Variants in EYS observed in about 807,000 individuals in gnomAD.
EYS encodes the protein EGF-like photoreceptor maintenance factor.
In EYS, 250 loss-of-function variants were observed where a neutral mutation model predicts 282.1. That is an observed-to-expected ratio of 0.89 (90% confidence interval 0.80 to 0.98). The LOEUF is 0.98. Among genes scored for constraint, EYS ranks in the 50% least tolerant of loss-of-function variants. The probability of loss-of-function intolerance (pLI) is 0.00; values close to 1 mark genes in which losing one functional copy is unlikely to be tolerated. For missense variants in EYS, 4,016 were observed against 3,709.0 expected (o/e 1.08, Z -2.15); for synonymous variants, 1,355 against 1,282.9 (o/e 1.06, Z -1.20).
intron 22 of EYS, among the ~76,000 whole-genome samples, chr6:64,752,519 C>G (rs2149970918): frequency 6.6e-6 from 1 of 151,974 alleles, no homozygotes; most frequent in Non-Finnish European, 1.5e-5. Context: ...GTAAAGTGTC[C>G]AATCTTATGA....
chr6:64,758,110 T>C (rs1245600388), intron 22 of EYS, among the ~76,000 whole-genome samples: 1 of 152,064 alleles, frequency 6.6e-6, no homozygotes. Flanking sequence ...AACACAGACA[T>C]GTCTCATCTA....
chr6:64,006,860 A>G (rs567980028), intron 33 of EYS, among the ~76,000 whole-genome samples: 1 of 152,128 alleles, frequency 6.6e-6, no homozygotes, highest in Non-Finnish European at 1.5e-5. Context: ...GTCATGGTGG[A>G]TAAGCTTTGT....
chr6:64,639,286 T>G (rs1428953423), intron 22 of EYS, among the ~76,000 whole-genome samples: 1 of 91,050 alleles, frequency 1.1e-5, no homozygotes, highest in Admixed American at 1.2e-4. Flanking sequence ...TTAAAGCAGG[T>G]CTTGGAAAAT....
At chr6:64,865,283 A>G (rs528667393) in intron 19 of EYS, among the ~76,000 whole-genome samples, 49 of 152,242 alleles carry the variant, frequency 3.2e-4, no homozygotes, top group Non-Finnish European at 5.3e-4. Flanking sequence ...AGATTATGGT[A>G]AGTACTGTTA....
At chr6:64,192,351 A>G (rs1047825496) in intron 31 of EYS, among the ~76,000 whole-genome samples, 6 of 152,198 alleles carry the variant, frequency 3.9e-5, no homozygotes, top group East Asian at 1.9e-4. Context: ...CCATTTGTCA[A>G]TTTTGGCTTT....
intron 33 of EYS, among the ~76,000 whole-genome samples, chr6:64,021,254 C>T (rs940176517): frequency 6.6e-6 from 1 of 151,994 alleles, no homozygotes; most frequent in Non-Finnish European, 1.5e-5. Context: ...CTTTATTGAG[C>T]ATTTTCTTAA....
chr6:64,504,860 G>A (rs1433888614), intron 26 of EYS, among the ~76,000 whole-genome samples: 2 of 152,096 alleles, frequency 1.3e-5, no homozygotes, highest in South Asian at 2.1e-4. Flanking sequence ...AGGGTAGGTC[G>A]TAAAAAACTT....
intron 12 of EYS, among the ~76,000 whole-genome samples, chr6:65,107,947 A>G (rs926670260): frequency 2.0e-5 from 3 of 152,150 alleles, no homozygotes; most frequent in African/African-American, 7.2e-5. Flanking sequence ...TAATTCTTAA[A>G]TGTATCACAC....
intron 37 of EYS, among the ~76,000 whole-genome samples, chr6:63,792,770 T>G (rs1005941532): frequency 6.6e-6 from 1 of 152,060 alleles, no homozygotes; most frequent in African/African-American, 2.4e-5. Flanking sequence ...GCATGAAACT[T>G]GTGCAGTTGC....
intron 12 of EYS, among the ~76,000 whole-genome samples, chr6:65,123,102 T>C (rs769214039): frequency 4.6e-5 from 7 of 152,142 alleles, no homozygotes; most frequent in Non-Finnish European, 1.0e-4. Context: ...ACTGTAATTT[T>C]AAATTCCAAA....
chr6:65,209,953 A>G (rs1221988100), intron 12 of EYS, among the ~76,000 whole-genome samples: 1 of 151,996 alleles, frequency 6.6e-6, no homozygotes, highest in Non-Finnish European at 1.5e-5. Flanking sequence ...CAATGAACAG[A>G]GAGGAACAGT....
chr6:65,269,794 G>T lies in EYS; in HGVS notation c.2023+26069C>A, dbSNP rs73443120. 4.9e-3 allele frequency among the ~76,000 whole-genome samples: 747 copies of T among 152,192 alleles called. 5 individuals carry two copies. The highest frequency in any genetic ancestry group is 0.017 in the African/African-American group (699 of 41,534). ...GCAGACCGAGGGCAAGCTAGTCTCT[G>T]ACCTCTTCTTACAAGTACAATGCTA... On this transcript the variant is annotated intron_variant, in intron 12 of 42. Transcript: ENST00000503581.
intron 7 of EYS, among the ~76,000 whole-genome samples, chr6:65,398,254 C>A (rs982993460): frequency 1.3e-5 from 2 of 151,586 alleles, no homozygotes; most frequent in African/African-American, 4.8e-5. Context: ...GTTATAGTAA[C>A]CAAAACAGCA....
chr6:65,581,492 C>T (rs1254672656), intron 2 of EYS, among the ~76,000 whole-genome samples: 3 of 151,958 alleles, frequency 2.0e-5, no homozygotes, highest in African/African-American at 7.2e-5. Flanking sequence ...AAATTTTTGC[C>T]AGGGAAACAC....
intron 5 of EYS, among the ~76,000 whole-genome samples, chr6:65,417,837 C>T (rs555668158): frequency 5.9e-5 from 9 of 151,974 alleles, no homozygotes; most frequent in South Asian, 2.1e-4. Flanking sequence ...TCAGAAACTT[C>T]GAGGAATGGC....
In EYS at chr6:64,428,738, TC is replaced by T. The variant is rs140618572; in HGVS notation, c.5927+7435del. Among the ~76,000 whole-genome samples, 159 of 152,296 alleles carry T rather than the reference TC, an allele frequency of 1.0e-3. 2 individuals are homozygous for T. The East Asian group carries it at 0.028, about 27-fold the overall frequency. On this transcript the variant is annotated intron_variant, in intron 28 of 42. Transcript: ENST00000503581. ...AAGCCAATTATACTTTATGATATTG[TC>T]TATTTCTAGCCTATATTATTATCTT...
intron 5 of EYS, among the ~76,000 whole-genome samples, chr6:65,469,556 CTA>C (rs1249201081): frequency 6.6e-6 from 1 of 152,066 alleles, no homozygotes; most frequent in Non-Finnish European, 1.5e-5. Flanking sequence ...ACCTTCAAAT[CTA>C]TGAGTCACAT....
intron 22 of EYS, among the ~76,000 whole-genome samples, chr6:64,777,456 C>A (rs888407788): frequency 9.2e-5 from 14 of 152,036 alleles, no homozygotes; most frequent in Non-Finnish European, 1.5e-5. Flanking sequence ...GTACTTAAGG[C>A]TCTGCACCTA....
chr6:64,212,032 C>G (rs1241889766), intron 31 of EYS, among the ~76,000 whole-genome samples: 2 of 152,016 alleles, frequency 1.3e-5, no homozygotes, highest in African/African-American at 2.4e-5. Context: ...AGGAGAACCG[C>G]TTGAACCCAG....
Sources: gnomAD v4.1 joint callset for allele counts (sites outside exome capture counted in the v4.1 genomes callset) on GRCh38, gnomAD v4.1.1 for gene constraint, MANE v1.5 for transcripts, NCBI Gene and HGNC (gene_info 2026-07-23, HGNC 2026-07-21) for gene names.